The following PBRM1 variants were observed in gnomAD, a reference collection of about 807,000 sequenced individuals.
PBRM1 encodes polybromo 1.
Under a neutral mutation model 194.5 loss-of-function variants are expected in PBRM1, and 27 were observed. That is an observed-to-expected ratio of 0.14 (90% CI 0.10 to 0.19). PBRM1 has a LOEUF of 0.19. Among genes scored for constraint, PBRM1 ranks in the 10% least tolerant of loss-of-function variants. The probability of loss-of-function intolerance (pLI) is 1.00; values close to 1 mark genes in which losing one functional copy is unlikely to be tolerated. For missense variants in PBRM1, 1,466 were observed against 2,077.2 expected, an observed-to-expected ratio of 0.71 and a Z score of 5.72; for synonymous variants, 655 against 693.2, an observed-to-expected ratio of 0.94 and a Z score of 0.87.
At chr3:52,617,497 T>C (rs201580633) in exon 14 of PBRM1, 11 of 1,611,998 alleles carry the variant, frequency 6.8e-6, no homozygotes, top group Admixed American at 3.3e-5. Context: ...AAGAACAACA[T>C]TGAATAAGAT....
At chr3:52,643,919 C>T (rs1208010857) in intron 8 of PBRM1, among the ~76,000 whole-genome samples, 1 of 151,722 alleles carries the variant, frequency 6.6e-6, no homozygotes, top group Non-Finnish European at 1.5e-5. Context: ...TTGCAGTGGG[C>T]CGAGATTGTG....
At chr3:52,594,150 G>A (rs2093358201) in intron 17 of PBRM1, among the ~76,000 whole-genome samples, 1 of 152,050 alleles carries the variant, frequency 6.6e-6, no homozygotes, top group African/African-American at 2.4e-5. Flanking sequence ...CCACAGTGTT[G>A]GGATTACAGG....
At position 52,609,891 on chromosome 3, in the gene PBRM1, A is replaced by G. The variant is rs945296272; in HGVS notation, c.1989T>C (p.Asn663=). The G allele has an allele frequency of 6.4e-7, 1 of 1,569,278 alleles. No homozygotes were observed. Among genetic ancestry groups the G allele is most frequent in the Non-Finnish European group, 8.6e-7 (1 of 1,158,914 alleles). The change falls in exon 16 of 30, where the codon AAT becomes AAC. Residue 663 remains asparagine (N), a synonymous_variant. Transcript: ENST00000296302. The surrounding 1 kb of genome is among the most constrained non-coding windows in gnomAD (Gnocchi z 4.1). ...AGTTCTTTACAGCTTCATAGACCTC[A>G]TTTAGTTTCTGCTGCATTGGAGTCA... is the stretch of plus-strand genomic sequence containing the variant.
chr3:52,672,109 C>T (rs73839126), intron 2 of PBRM1, among the ~76,000 whole-genome samples: 2,279 of 152,286 alleles, frequency 0.015, 20 homozygotes, highest in South Asian at 0.036. Context: ...TCTGGATGTT[C>T]TAGTACGGAG....
chr3:52,579,069 C>T (rs1318993618), exon 21 of PBRM1: 9 of 1,613,978 alleles, frequency 5.6e-6, no homozygotes, highest in Non-Finnish European at 7.6e-6. Flanking sequence ...CACACGAGGA[C>T]GCACCAGGCC....
upstream of PBRM1, chr3:52,681,007 G>A (rs1455281106): frequency 6.6e-6 from 1 of 151,868 alleles, no homozygotes; most frequent in Non-Finnish European, 1.5e-5. Context: ...AGTCAGGCAG[G>A]CCTGGGGTTC....
chr3:52,641,195 T>C lies in PBRM1; in HGVS notation c.1087+759A>G, dbSNP rs189981272. On this transcript the variant is annotated intron_variant, in intron 10 of 29. Coordinates refer to ENST00000296302, the Ensembl canonical transcript of PBRM1. ...AAAATTGAGGCCAGGCGTGGTGTAA[T>C]CCCAGCACATTCGGAGGCCGAGGCA... Among the ~76,000 whole-genome samples the C allele has an allele frequency of 1.3e-3, 199 of 151,990 alleles. 2 individuals are homozygous for C. The highest frequency in any genetic ancestry group is 1.6e-3 in the Non-Finnish European group (107 of 68,004).
chr3:52,642,768 A>C (rs541317422), intron 9 of PBRM1, among the ~76,000 whole-genome samples: 2 of 152,054 alleles, frequency 1.3e-5, no homozygotes, highest in East Asian at 3.9e-4. Flanking sequence ...AGGTGATATA[A>C]GGCCTACGTT....
At chr3:52,657,285 G>A (rs1163575829) in intron 5 of PBRM1, among the ~76,000 whole-genome samples, 1 of 151,776 alleles carries the variant, frequency 6.6e-6, no homozygotes, top group Admixed American at 6.6e-5. Flanking sequence ...TGGCTAAAAT[G>A]ATAAATTTTA....
chr3:52,558,050 T>C (rs552564155), intron 26 of PBRM1, among the ~76,000 whole-genome samples, 199 bp downstream of exon 28: 1 of 152,300 alleles, frequency 6.6e-6, no homozygotes, highest in South Asian at 2.1e-4. Context: ...ATTACCAGGG[T>C]TGGGCCCAGG....
At chr3:52,552,145 G>A (rs918453457) in intron 27 of PBRM1, among the ~76,000 whole-genome samples, 2 of 152,150 alleles carry the variant, frequency 1.3e-5, no homozygotes, top group Non-Finnish European at 2.9e-5. Flanking sequence ...GTAAGCTGGT[G>A]CCCCAGCAAT....
intron 20 of PBRM1, among the ~76,000 whole-genome samples, chr3:52,583,973 T>C (rs993673447): frequency 6.6e-6 from 1 of 152,124 alleles, no homozygotes; most frequent in African/African-American, 2.4e-5. Context: ...TGTAGTTTTA[T>C]AAAATGTAAT....
In PBRM1 at chr3:52,610,038, G is replaced by A. The variant is rs1358675228; in HGVS notation, c.1925-83C>T. 1.5e-5 allele frequency: 12 copies of A among 785,462 alleles called. No individual in the cohort carries two copies. In the East Asian group the frequency reaches 2.8e-4, roughly 18 times the overall value. The allele number at this position is 785,462 out of a possible 1,614,324, so 48.7% of individuals were successfully genotyped here. A position where few individuals can be genotyped will look rare whatever the true frequency, so the allele number is the denominator to read the frequency against. On this transcript the variant is annotated intron_variant, in intron 15 of 29. Transcript: ENST00000296302. ...AGATGGTAGCATAACCACAAGGGAC[G>A]ATTCCAAGTAATTTGTAAAATCTAG...
intron 20 of PBRM1, among the ~76,000 whole-genome samples, chr3:52,584,225 T>C (rs1329305468): frequency 6.6e-6 from 1 of 152,114 alleles, no homozygotes; most frequent in Non-Finnish European, 1.5e-5. Context: ...GTTAAGGTTA[T>C]TTCTTAATTT....
At chr3:52,614,115 G>T (rs964585882) in intron 15 of PBRM1, among the ~76,000 whole-genome samples, 20 of 152,084 alleles carry the variant, frequency 1.3e-4, no homozygotes, top group African/African-American at 4.3e-4. Context: ...GCTCACACCC[G>T]TAATCCCAGC....
chr3:52,568,161 T>A (rs536387746), intron 22 of PBRM1, among the ~76,000 whole-genome samples: 15 of 152,196 alleles, frequency 9.9e-5, no homozygotes, highest in African/African-American at 3.4e-4. Flanking sequence ...GTAGTTTTAG[T>A]ACAGACAGGG....
At chr3:52,600,462 T>A (rs2093910183) in intron 17 of PBRM1, among the ~76,000 whole-genome samples, 1 of 152,218 alleles carries the variant, frequency 6.6e-6, no homozygotes, top group Non-Finnish European at 1.5e-5. Flanking sequence ...TTCTTAAAGT[T>A]TTCAAATATC....
exon 11 of PBRM1, chr3:52,634,744 A>T: frequency 6.2e-7 from 1 of 1,613,900 alleles, no homozygotes; most frequent in South Asian, 1.1e-5. Flanking sequence ...TAAAGCTGAT[A>T]AAAAGGATTT....
At chr3:52,642,070 G>C (rs1353530335) in intron 9 of PBRM1, 25 bp from the exon 11 acceptor site, 3 of 1,104,580 alleles carry the variant, frequency 2.7e-6, no homozygotes, top group South Asian at 2.5e-5. Context: ...AAAGCAATTA[G>C]ACAGGGAAGG....
Sources: allele counts gnomAD v4.1 joint callset (sites outside exome capture counted in the v4.1 genomes callset), GRCh38; gene constraint gnomAD v4.1.1; non-coding constraint Gnocchi (gnomAD v3.1); transcripts MANE v1.5; gene names NCBI Gene and HGNC (gene_info 2026-07-23, HGNC 2026-07-21).